Variants in PTPRG observed in about 807,000 individuals in gnomAD.
PTPRG encodes the protein protein tyrosine phosphatase receptor type G, also known as receptor-type tyrosine-protein phosphatase gamma.
Under a neutral mutation model 165.3 loss-of-function variants are expected in PTPRG, and 102 were observed. The ratio of observed to expected loss-of-function variants is 0.62; its 90% CI spans 0.53 to 0.73. PTPRG has a LOEUF of 0.73. Among genes scored for constraint, PTPRG ranks in the 30% least tolerant of loss-of-function variants. The pLI is 0.00. For synonymous variants in PTPRG, 675 were observed against 669.5 expected, an observed-to-expected ratio of 1.01 and a Z score of -0.13; for missense variants, 1,866 against 1,861.4, an observed-to-expected ratio of 1.00 and a Z score of -0.05.
chr3:61,712,296 T>G (rs1391274130), intron 1 of PTPRG, among the ~76,000 whole-genome samples: 1 of 152,190 alleles, frequency 6.6e-6, no homozygotes, highest in Non-Finnish European at 1.5e-5. Context: ...ATGAGACATT[T>G]AACAGATGCT....
At chr3:62,175,879 G>T (rs1331598649) in intron 8 of PTPRG, among the ~76,000 whole-genome samples, 2 of 152,174 alleles carry the variant, frequency 1.3e-5, no homozygotes, top group Admixed American at 6.5e-5. Flanking sequence ...TGAGGCATGG[G>T]ATCCAACCTA....
chr3:61,898,595 G>A (rs768050093), intron 2 of PTPRG, among the ~76,000 whole-genome samples: 54 of 152,168 alleles, frequency 3.5e-4, no homozygotes, highest in Non-Finnish European at 6.9e-4. Context: ...AGTTGAAATA[G>A]GCATGATAGG....
At chr3:61,607,009 G>A (rs544161365) in intron 1 of PTPRG, among the ~76,000 whole-genome samples, 1 of 152,186 alleles carries the variant, frequency 6.6e-6, no homozygotes, top group Non-Finnish European at 1.5e-5. Context: ...ATAGAAGTGA[G>A]GATGAAAGCC....
At chr3:61,821,969 C>CA (rs1380356321) in intron 2 of PTPRG, among the ~76,000 whole-genome samples, 1 of 152,216 alleles carries the variant, frequency 6.6e-6, no homozygotes, top group Non-Finnish European at 1.5e-5. Flanking sequence ...AATTTAACTG[C>CA]CTCTCAAATG....
At chr3:62,118,894 A>G (rs1034707525) in intron 5 of PTPRG, among the ~76,000 whole-genome samples, 5 of 152,212 alleles carry the variant, frequency 3.3e-5, no homozygotes, top group Non-Finnish European at 5.9e-5. Context: ...TGAACTCTCT[A>G]GATACCCTGA....
chr3:62,061,669 C>T (rs1256113679), intron 4 of PTPRG, among the ~76,000 whole-genome samples: 1 of 151,290 alleles, frequency 6.6e-6, no homozygotes, highest in Admixed American at 6.6e-5. Flanking sequence ...CGCTCTGTCG[C>T]CCAGGCCGGA....
At chr3:62,204,251 C>G (rs867229051) in intron 12 of PTPRG, among the ~76,000 whole-genome samples, 1 of 152,154 alleles carries the variant, frequency 6.6e-6, no homozygotes, top group Admixed American at 6.5e-5. Context: ...AGCCATCGAT[C>G]TTAAGAAGTT....
At chr3:61,906,460 A>C (rs1053494101) in intron 2 of PTPRG, among the ~76,000 whole-genome samples, 1 of 151,764 alleles carries the variant, frequency 6.6e-6, no homozygotes, top group Non-Finnish European at 1.5e-5. Context: ...CACCTGAAAA[A>C]AAAAGGAAAA....
intron 27 of PTPRG, 34 bp from the exon 28 acceptor site, chr3:62,282,689 TAAAG>T: frequency 6.4e-7 from 1 of 1,572,404 alleles, no homozygotes; most frequent in Non-Finnish European, 8.6e-7. Flanking sequence ...ATATGTGAAA[TAAAG>T]GAAGGGATTT....
At chr3:61,676,774 C>T (rs1339937565) in intron 1 of PTPRG, among the ~76,000 whole-genome samples, 1 of 152,134 alleles carries the variant, frequency 6.6e-6, no homozygotes, top group Non-Finnish European at 1.5e-5. Flanking sequence ...GCCTTCCTCT[C>T]ATCAGGGATA....
At chr3:61,619,477 G>A (rs2106894672) in intron 1 of PTPRG, among the ~76,000 whole-genome samples, 1 of 152,304 alleles carries the variant, frequency 6.6e-6, no homozygotes, top group African/African-American at 2.4e-5. Context: ...GGCCAGGCAT[G>A]CTGCTGGGCA....
At chr3:61,595,240 C>G (rs1264043229) in intron 1 of PTPRG, among the ~76,000 whole-genome samples, 2 of 150,916 alleles carry the variant, frequency 1.3e-5, no homozygotes, top group Non-Finnish European at 2.9e-5. Flanking sequence ...TCTGTGTTCG[C>G]TGGTGAACTA....
At chr3:62,259,266 A>G (rs914129600) in intron 16 of PTPRG, among the ~76,000 whole-genome samples, 1 of 152,194 alleles carries the variant, frequency 6.6e-6, no homozygotes, top group Non-Finnish European at 1.5e-5. Context: ...TGCTGCACCG[A>G]CTGCTGCCTG....
intron 6 of PTPRG, among the ~76,000 whole-genome samples, chr3:62,140,851 CAA>C (rs58630476): frequency 0.018 from 1,305 of 71,098 alleles, 6 homozygotes; most frequent in African/African-American, 0.043. Context: ...GACTCGGTCT[CAA>C]AAAAAAAAAA....
At position 62,233,717 on chromosome 3, in the gene PTPRG, C is replaced by CAGGA. The variant is rs1225545210; in HGVS notation, c.2375+2415_2375+2418dup. On this transcript the variant is annotated intron_variant, in intron 14 of 29. Transcript: ENST00000474889. This position sits in a 1 kb window ranked among gnomAD's most constrained non-coding sequence, Gnocchi z 4.7. ...CCCCTGTCATCTCCCTGTCCCACAG[C>CAGGA]AGGAAGGAAGGAGACTGTGCCGCTA... Among the ~76,000 whole-genome samples the CAGGA allele has an allele frequency of 2.6e-5, 4 of 152,182 alleles. No homozygotes were observed. Among genetic ancestry groups the CAGGA allele is most frequent in the Non-Finnish European group, 4.4e-5 (3 of 68,040 alleles).
intron 12 of PTPRG, among the ~76,000 whole-genome samples, chr3:62,207,205 C>A (rs1700252550): frequency 6.6e-6 from 1 of 152,172 alleles, no homozygotes; most frequent in African/African-American, 2.4e-5. Flanking sequence ...GCACAAAAGC[C>A]ACCATAGACA....
At chr3:61,859,884 A>G (rs911483850) in intron 2 of PTPRG, among the ~76,000 whole-genome samples, 1 of 152,192 alleles carries the variant, frequency 6.6e-6, no homozygotes, top group Non-Finnish European at 1.5e-5. Flanking sequence ...CATCTGCTGT[A>G]TATTTATAGC....
chr3:61,859,915 C>T (rs976818059), intron 2 of PTPRG, among the ~76,000 whole-genome samples: 2 of 152,294 alleles, frequency 1.3e-5, no homozygotes, highest in East Asian at 1.9e-4. Flanking sequence ...ATCCATGGCA[C>T]ATAGATGCTC....
At chr3:61,699,045 A>G (rs1459572448) in intron 1 of PTPRG, among the ~76,000 whole-genome samples, 9 of 152,292 alleles carry the variant, frequency 5.9e-5, no homozygotes, top group Admixed American at 2.0e-4. Flanking sequence ...GGGGAGGGAT[A>G]GCATTAGGAG....
Sources: gnomAD v4.1 joint callset for allele counts (sites outside exome capture counted in the v4.1 genomes callset) on GRCh38, gnomAD v4.1.1 for gene constraint, Gnocchi (gnomAD v3.1) non-coding constraint, MANE v1.5 for transcripts, NCBI Gene and HGNC (gene_info 2026-07-23, HGNC 2026-07-21) for gene names.